The following KCNAB1 variants were observed in gnomAD, a reference collection of about 807,000 sequenced individuals.
The protein encoded by KCNAB1 is potassium voltage-gated channel subfamily A regulatory beta subunit 1.
A neutral mutation model predicts 64.6 loss-of-function variants in KCNAB1; 35 were observed. That is an observed-to-expected ratio of 0.54 (90% CI 0.41 to 0.72). The LOEUF (loss-of-function observed/expected upper bound fraction) is 0.72, where lower values mean the gene tolerates loss of function less well. KCNAB1 is among the 30% of genes least tolerant of loss of function. KCNAB1 has a pLI of 0.00. For missense variants in KCNAB1, 401 were observed against 512.9 expected (o/e 0.78, Z 2.11); for synonymous variants, 177 against 183.8 (o/e 0.96, Z 0.30).
At chr3:156,527,312 G>A (rs977548875) in intron 12 of KCNAB1, among the ~76,000 whole-genome samples, 1 of 152,098 alleles carries the variant, frequency 6.6e-6, no homozygotes, top group Admixed American at 6.6e-5. Context: ...AACTAGTTGA[G>A]TAAAGGGAAA....
chr3:156,363,104 G>T (rs886168913), intron 1 of KCNAB1, among the ~76,000 whole-genome samples: 1 of 152,198 alleles, frequency 6.6e-6, no homozygotes, highest in Non-Finnish European at 1.5e-5. Context: ...TAAAGCTAAA[G>T]AAACCATTAC....
At chr3:156,182,695 A>ATTTTTTTTT (rs10624040) in intron 1 of KCNAB1, among the ~76,000 whole-genome samples, 13 of 132,716 alleles carry the variant, frequency 9.8e-5, no homozygotes, top group Non-Finnish European at 1.2e-4. Context: ...AAGTAAGACA[A>ATTTTTTTTT]TTTTTTTTTT....
intron 1 of KCNAB1, among the ~76,000 whole-genome samples, chr3:156,346,073 A>G (rs1406763196): frequency 6.6e-6 from 1 of 151,828 alleles, no homozygotes; most frequent in East Asian, 1.9e-4. Flanking sequence ...TCTGATGTGT[A>G]AGTTTTCCGT....
chr3:156,149,063 A>G (rs1194014185), intron 1 of KCNAB1, among the ~76,000 whole-genome samples: 1 of 152,140 alleles, frequency 6.6e-6, no homozygotes, highest in East Asian at 1.9e-4. Context: ...AAAATATTTG[A>G]GCCAGAATGA....
At chr3:156,271,112 CT>C (rs1231485678) in intron 1 of KCNAB1, among the ~76,000 whole-genome samples, 4 of 152,054 alleles carry the variant, frequency 2.6e-5, no homozygotes, top group Admixed American at 2.6e-4. Flanking sequence ...TTTTAGAATT[CT>C]TTCTTTATTT....
intron 1 of KCNAB1, among the ~76,000 whole-genome samples, chr3:156,391,460 G>A (rs1204949558): frequency 6.6e-6 from 1 of 152,140 alleles, no homozygotes; most frequent in Non-Finnish European, 1.5e-5. Flanking sequence ...ACTCAGAAAA[G>A]AGTGACTCTT....
intron 1 of KCNAB1, among the ~76,000 whole-genome samples, chr3:156,362,051 A>C (rs542912175): frequency 6.6e-6 from 1 of 152,226 alleles, no homozygotes; most frequent in Non-Finnish European, 1.5e-5. Context: ...ATTGTAAAAA[A>C]ACTAGACAAG....
intron 8 of KCNAB1, among the ~76,000 whole-genome samples, chr3:156,482,748 G>A (rs1714922640): frequency 6.6e-6 from 1 of 151,988 alleles, no homozygotes; most frequent in African/African-American, 2.4e-5. Context: ...TTATTGTGAG[G>A]ATTATTTGAG....
rs187595899 is a variant in KCNAB1, at chr3:156,205,236, C to T, written c.275+84350C>T. On this transcript the variant is annotated intron_variant, in intron 1 of 13. Coordinates refer to ENST00000490337, the MANE Select transcript of KCNAB1 (RefSeq NM_172160.3). Reference sequence around the variant, plus strand: ...GCTATATTGGTTCTATATCTGTGTCCATAAGTCAGTTATTCAGATAATGAA... The same window carrying T: ...GCTATATTGGTTCTATATCTGTGTCTATAAGTCAGTTATTCAGATAATGAA... Among the ~76,000 whole-genome samples the T allele has an allele frequency of 2.6e-3, 392 of 152,098 alleles. 3 individuals carry two copies. Among genetic ancestry groups the T allele is most frequent in the African/African-American group, 8.7e-3 (362 of 41,488 alleles).
intron 2 of KCNAB1, among the ~76,000 whole-genome samples, chr3:156,428,614 T>C (rs1312314097): frequency 6.6e-6 from 1 of 151,926 alleles, no homozygotes; most frequent in Non-Finnish European, 1.5e-5. Context: ...CAAGTGTATG[T>C]GGCCAACCAG....
intron 1 of KCNAB1, among the ~76,000 whole-genome samples, chr3:156,299,903 T>C (rs761428511): frequency 6.6e-6 from 1 of 152,198 alleles, no homozygotes; most frequent in Non-Finnish European, 1.5e-5. Context: ...TTGGCTCTTC[T>C]TTTTGAGAAT....
intron 1 of KCNAB1, among the ~76,000 whole-genome samples, chr3:156,225,614 A>T (rs1335491481): frequency 1.3e-5 from 2 of 152,206 alleles, no homozygotes; most frequent in Admixed American, 6.5e-5. Flanking sequence ...CCAAATTGGT[A>T]AAGAGGAGGT....
At chr3:156,445,532 A>G (rs1717350039) in intron 2 of KCNAB1, among the ~76,000 whole-genome samples, 1 of 152,234 alleles carries the variant, frequency 6.6e-6, no homozygotes, top group African/African-American at 2.4e-5. Flanking sequence ...AGTTGTGGTT[A>G]AAAACCTCTT....
chr3:156,519,651 G>A lies in KCNAB1; in HGVS notation c.960+3287G>A, dbSNP rs191549611. The stretch of plus-strand genomic sequence containing the variant: ...CACAAAGACAATCCTTGAGAAGTAC[G>A]GAGTGGCCTCAGCAATGACTGCATC... On this transcript the variant is annotated intron_variant, in intron 11 of 13. Coordinates refer to ENST00000490337, the MANE Select transcript of KCNAB1 (RefSeq NM_172160.3). Among the ~76,000 whole-genome samples, 390 of 152,316 alleles carry A rather than the reference G, an allele frequency of 2.6e-3. 3 individuals are homozygous for A. Among genetic ancestry groups the A allele is most frequent in the African/African-American group, 9.1e-3 (379 of 41,566 alleles).
At chr3:156,310,759 G>A (rs1326300700) in intron 1 of KCNAB1, among the ~76,000 whole-genome samples, 1 of 152,116 alleles carries the variant, frequency 6.6e-6, no homozygotes, top group African/African-American at 2.4e-5. Flanking sequence ...AGCTGAGATT[G>A]CGCCACTGCA....
intron 1 of KCNAB1, among the ~76,000 whole-genome samples, chr3:156,172,926 G>T (rs539984681): frequency 6.6e-6 from 1 of 152,320 alleles, no homozygotes; most frequent in South Asian, 2.1e-4. Flanking sequence ...AACACCTCTG[G>T]ATGTAAAGGT....
downstream of KCNAB1, chr3:156,538,622 A>ATCTT (rs1434106803): frequency 1.3e-5 from 2 of 152,244 alleles, no homozygotes; most frequent in Non-Finnish European, 2.9e-5. Context: ...ATTTTATCTG[A>ATCTT]TCTTTCACTG....
chr3:156,156,726 A>G (rs1291174952), intron 1 of KCNAB1, among the ~76,000 whole-genome samples: 1 of 152,212 alleles, frequency 6.6e-6, no homozygotes, highest in Non-Finnish European at 1.5e-5. Flanking sequence ...CTTACTTTTT[A>G]GACAGGTTGG....
chr3:156,329,253 C>T (rs192658353), intron 1 of KCNAB1, among the ~76,000 whole-genome samples: 2 of 152,236 alleles, frequency 1.3e-5, no homozygotes, highest in African/African-American at 4.8e-5. Flanking sequence ...CCATCTTCCC[C>T]TTCCTTCCCC....
Sources: allele counts gnomAD v4.1 joint callset (sites outside exome capture counted in the v4.1 genomes callset), GRCh38; gene constraint gnomAD v4.1.1; transcripts MANE v1.5; gene names NCBI Gene and HGNC (gene_info 2026-07-23, HGNC 2026-07-21).